ANO2: variants seen among roughly 807,000 people sequenced by gnomAD.
The protein encoded by ANO2 is anoctamin 2.
A neutral mutation model predicts 124.2 loss-of-function variants in ANO2; 101 were observed. The ratio of observed to expected loss-of-function variants is 0.81; its 90% confidence interval spans 0.69 to 0.96. The LOEUF is 0.96. ANO2 is among the 40% of genes least tolerant of loss of function. The pLI is 0.00. For missense variants in ANO2, 1,293 were observed against 1,274.5 expected, an observed-to-expected ratio of 1.01 and a Z score of -0.22; for synonymous variants, 486 against 482.5, an observed-to-expected ratio of 1.01 and a Z score of -0.09.
chr12:5,803,694 G>A (rs563706271), intron 9 of ANO2, among the ~76,000 whole-genome samples: 38 of 152,292 alleles, frequency 2.5e-4, no homozygotes, highest in Admixed American at 3.9e-4. Context: ...TCCCTCTTCC[G>A]GTTGTCCTGG....
At chr12:5,569,667 C>T (rs1263509333) in intron 23 of ANO2, among the ~76,000 whole-genome samples, 1 of 152,120 alleles carries the variant, frequency 6.6e-6, no homozygotes, top group Admixed American at 6.5e-5. Context: ...TGTATCCCAG[C>T]GCTGAGCATA....
chr12:5,600,028 G>T (rs372565588), intron 19 of ANO2, among the ~76,000 whole-genome samples: 2 of 152,150 alleles, frequency 1.3e-5, no homozygotes, highest in Non-Finnish European at 2.9e-5. Flanking sequence ...CATTTTTCAG[G>T]TCTCAATAAC....
In ANO2 at chr12:5,636,274, C is replaced by A. The variant is rs758788465; in HGVS notation, c.1621-927G>T. Among the ~76,000 whole-genome samples, 2 of 152,112 alleles carry A rather than the reference C, an allele frequency of 1.3e-5. No individual in the cohort carries two copies. The highest frequency in any genetic ancestry group is 6.6e-5 in the Admixed American group (1 of 15,266). ...TCCCCACGTCCCCTCCTGTCCCCAT[C>A]GCAACCAAGGAAGGATCATTTCCAG... On this transcript the variant is annotated intron_variant, in intron 15 of 24. Transcript: ENST00000682330. The surrounding 1 kb of genome is among the most constrained non-coding windows in gnomAD (Gnocchi z 4.6).
chr12:5,646,925 C>T (rs559960540), intron 15 of ANO2, among the ~76,000 whole-genome samples: 1 of 152,240 alleles, frequency 6.6e-6, no homozygotes, highest in South Asian at 2.1e-4. Flanking sequence ...AGAGTTACAA[C>T]AATTTCCAGA....
chr12:5,859,846 T>A lies in ANO2; in HGVS notation c.535-5705A>T, dbSNP rs539733205. On this transcript the variant is annotated intron_variant, in intron 3 of 24. Coordinates refer to ENST00000682330, the MANE Select transcript of ANO2 (RefSeq NM_001364791.2). ...ACCACATCTGACCTGTCCATTTCTT[T>A]TAACTCATGATGTCCACTGGTTTCC... Among the ~76,000 whole-genome samples, 3 of 152,298 alleles carry A rather than the reference T, an allele frequency of 2.0e-5. No homozygotes were observed. The South Asian group carries it at 6.2e-4, about 32-fold the overall frequency.
intron 3 of ANO2, among the ~76,000 whole-genome samples, chr12:5,911,911 G>A (rs555649664): frequency 6.6e-6 from 1 of 152,278 alleles, no homozygotes; most frequent in Admixed American, 6.5e-5. Context: ...CATCACAGGT[G>A]GCACCCAGTA....
At chr12:5,766,978 C>A (rs952730287) in intron 10 of ANO2, among the ~76,000 whole-genome samples, 14 of 152,210 alleles carry the variant, frequency 9.2e-5, no homozygotes, top group Non-Finnish European at 1.5e-4. Flanking sequence ...GGAGGCCTAA[C>A]AATGGCTGCA....
chr12:5,703,835 C>G (rs1296432688), intron 14 of ANO2, among the ~76,000 whole-genome samples: 1 of 152,210 alleles, frequency 6.6e-6, no homozygotes, highest in Non-Finnish European at 1.5e-5. Context: ...GTGTGAGCCA[C>G]CGTGCCTGGC....
chr12:5,659,956 A>T (rs888010223), intron 14 of ANO2, among the ~76,000 whole-genome samples: 8 of 151,864 alleles, frequency 5.3e-5, no homozygotes, highest in African/African-American at 1.9e-4. Flanking sequence ...GGTTGCTCCT[A>T]ATGAGGTGGG....
chr12:5,612,922 G>A lies in ANO2; in HGVS notation c.1965C>T (p.Phe655=), dbSNP rs367647989. ...TTGCCTCTTCCATGCGGTAACCATC[G>A]AATACATAGACGTAGCTTCCAGGCC... ...VGRPGSYVYV[F]DGYRMEECAP... The change falls in exon 18 of 25, where the codon TTC becomes TTT. Residue 655 remains phenylalanine (F), a synonymous_variant. Transcript: ENST00000682330. 3.4e-5 allele frequency: 55 copies of A among 1,613,870 alleles called. No individual in the cohort carries two copies. Among genetic ancestry groups the A allele is most frequent in the East Asian group, 6.7e-5 (3 of 44,864 alleles).
chr12:5,899,230 C>T (rs1940007864), intron 3 of ANO2, among the ~76,000 whole-genome samples: 1 of 152,192 alleles, frequency 6.6e-6, no homozygotes, highest in African/African-American at 2.4e-5. Flanking sequence ...CCTAATCACA[C>T]CTCAGAGGAC....
chr12:5,827,760 G>T lies in ANO2; in HGVS notation c.892+9C>A. On this transcript the variant is annotated intron_variant, in intron 7 of 24. Transcript: ENST00000682330. ...CGTCAGCACCCTGCCCGCGGGCTGG[G>T]GTCCTTACCCATCGTGTTGTTGGCT... The T allele has an allele frequency of 1.2e-6, 2 of 1,609,166 alleles. No individual in the cohort carries two copies. Among genetic ancestry groups the T allele is most frequent in the Non-Finnish European group, 1.7e-6 (2 of 1,178,090 alleles).
intron 19 of ANO2, among the ~76,000 whole-genome samples, chr12:5,610,806 T>A (rs1944494182): frequency 9.0e-6 from 1 of 111,554 alleles, no homozygotes; most frequent in Non-Finnish European, 1.8e-5. Flanking sequence ...GCCCAGCCCA[T>A]CAGAGTTGTC....
chr12:5,907,568 C>T (rs1940781032), intron 3 of ANO2, among the ~76,000 whole-genome samples: 1 of 152,202 alleles, frequency 6.6e-6, no homozygotes, highest in African/African-American at 2.4e-5. Flanking sequence ...GATGCCTAAT[C>T]CACTCATCAA....
chr12:5,805,964 A>G, intron 9 of ANO2, 88 bp downstream of exon 9: 1 of 1,306,262 alleles, frequency 7.7e-7, no homozygotes. Flanking sequence ...GCAGGTAAAG[A>G]GAACATCTAA....
At chr12:5,655,797 C>G (rs1394071551) in intron 14 of ANO2, among the ~76,000 whole-genome samples, 1 of 152,190 alleles carries the variant, frequency 6.6e-6, no homozygotes, top group Non-Finnish European at 1.5e-5. Flanking sequence ...GTGTGTGAGT[C>G]CAGTGCCTTC....
chr12:5,916,490 G>GT lies in ANO2; in HGVS notation c.534+4549dup, dbSNP rs1238395016. On this transcript the variant is annotated intron_variant, in intron 3 of 24. Coordinates refer to ENST00000682330, the MANE Select transcript of ANO2 (RefSeq NM_001364791.2). ...ACTCTGAATAGAAAAATCGCAGCAGGTTAAAAAAAAAAAAAAAAAAAAAGG... is the reference window on the plus strand; with the variant it reads ...ACTCTGAATAGAAAAATCGCAGCAGGTTTAAAAAAAAAAAAAAAAAAAAAGG... Among the ~76,000 whole-genome samples, 414 of 74,868 alleles carry GT rather than the reference G, an allele frequency of 5.5e-3. 5 individuals carry two copies. The highest frequency in any genetic ancestry group is 0.017 in the African/African-American group (367 of 22,090). 49.1% of individuals were successfully genotyped at this position (74,868 alleles called of 152,430 possible).
chr12:5,685,901 A>T (rs893729626), intron 14 of ANO2, among the ~76,000 whole-genome samples: 6 of 152,234 alleles, frequency 3.9e-5, no homozygotes, highest in African/African-American at 1.4e-4. Context: ...GGCTTCTGGA[A>T]ATAGCTGATC....
chr12:5,821,713 G>GGGTCATAAA (rs2137200016), intron 7 of ANO2, among the ~76,000 whole-genome samples: 1 of 152,308 alleles, frequency 6.6e-6, no homozygotes, highest in South Asian at 2.1e-4. Flanking sequence ...GTTTGACTAT[G>GGGTCATAAA]GGTCATAAAG....
Sources: allele counts gnomAD v4.1 joint callset (sites outside exome capture counted in the v4.1 genomes callset), GRCh38; gene constraint gnomAD v4.1.1; non-coding constraint Gnocchi (gnomAD v3.1); transcripts MANE v1.5; gene names NCBI Gene and HGNC (gene_info 2026-07-23, HGNC 2026-07-21).